Variants in APBA1 observed in about 807,000 individuals in gnomAD.
The protein encoded by APBA1 is amyloid-beta A4 precursor protein-binding family A member 1.
APBA1 carries 55 observed loss-of-function variants against 86.6 expected under a neutral mutation model. The ratio of observed to expected loss-of-function variants is 0.64; its 90% CI spans 0.51 to 0.80. The LOEUF is 0.80. Ranked by LOEUF, APBA1 falls within the 30% of genes least tolerant of loss-of-function variation. The probability of loss-of-function intolerance (pLI) is 0.00; values close to 1 mark genes in which losing one functional copy is unlikely to be tolerated. For missense variants in APBA1, 1,090 were observed against 1,183.0 expected (o/e 0.92, Z 1.15); for synonymous variants, 511 against 493.9 (o/e 1.03, Z -0.46).
intron 1 of APBA1, among the ~76,000 whole-genome samples, chr9:69,606,429 T>C (rs926133657): frequency 1.3e-5 from 2 of 148,584 alleles, no homozygotes; most frequent in African/African-American, 4.9e-5. Context: ...AGAAAGAAAC[T>C]GATGCTCAGA....
At chr9:69,541,762 T>TA (rs1301311060) in intron 1 of APBA1, among the ~76,000 whole-genome samples, 3 of 152,072 alleles carry the variant, frequency 2.0e-5, no homozygotes, top group Non-Finnish European at 4.4e-5. Flanking sequence ...AGGTTCCCAA[T>TA]AAAAAGAGTA....
intron 1 of APBA1, among the ~76,000 whole-genome samples, chr9:69,578,968 G>T (rs1039237411): frequency 4.6e-5 from 7 of 152,130 alleles, no homozygotes; most frequent in Admixed American, 2.0e-4. Context: ...CTGCACTACA[G>T]GAAGCCATTC....
At chr9:69,591,104 CG>C (rs1822120031) in intron 1 of APBA1, among the ~76,000 whole-genome samples, 1 of 152,120 alleles carries the variant, frequency 6.6e-6, no homozygotes, top group African/African-American at 2.4e-5. Flanking sequence ...GCAAGGCAGC[CG>C]AGGGAGGAGA....
Position 69,431,199 on chromosome 9 carries a change from TCTC to T in APBA1, c.*125_*127del. 1 of 652,024 alleles carries T rather than the reference TCTC, an allele frequency of 1.5e-6. No homozygotes were observed. Among genetic ancestry groups the T allele is most frequent in the Non-Finnish European group, 2.6e-6 (1 of 388,746 alleles). The allele number at this position is 652,024 out of a possible 1,614,324, so 40.4% of individuals were successfully genotyped here. ...GAGTAAAGAGGTCCTTGTGGATTCTTCTCTTCCTGTGTAAAACCAAATGCTGGG... is the reference window on the plus strand; with the variant it reads ...GAGTAAAGAGGTCCTTGTGGATTCTTTTCCTGTGTAAAACCAAATGCTGGG... On this transcript the variant is annotated 3_prime_UTR_variant, in exon 13 of 13. Coordinates refer to ENST00000265381, the MANE Select transcript of APBA1 (RefSeq NM_001163.4).
At chr9:69,456,975 C>A in intron 7 of APBA1, 78 bp downstream of exon 7, 1 of 1,241,882 alleles carries the variant, frequency 8.1e-7, no homozygotes. Context: ...AGACACATGC[C>A]TGCTCTACAG....
intron 1 of APBA1, among the ~76,000 whole-genome samples, chr9:69,555,147 ATTAT>A (rs1564075943): frequency 6.6e-6 from 1 of 152,232 alleles, no homozygotes; most frequent in Admixed American, 6.5e-5. Flanking sequence ...AGAGTAGTAG[ATTAT>A]TTAACCACAG....
intron 1 of APBA1, among the ~76,000 whole-genome samples, chr9:69,518,439 G>A (rs1472118087): frequency 1.3e-5 from 2 of 152,160 alleles, no homozygotes; most frequent in Non-Finnish European, 2.9e-5. Context: ...GATAACAGGT[G>A]TAATTTTTTA....
chr9:69,604,180 G>A (rs1018490587), intron 1 of APBA1, among the ~76,000 whole-genome samples: 1 of 152,174 alleles, frequency 6.6e-6, no homozygotes, highest in Non-Finnish European at 1.5e-5. Flanking sequence ...GTGCACATGA[G>A]TGTGGGCACG....
chr9:69,530,501 T>C (rs1329454762), intron 1 of APBA1, among the ~76,000 whole-genome samples: 1 of 151,998 alleles, frequency 6.6e-6, no homozygotes, highest in African/African-American at 2.4e-5. Flanking sequence ...CACTTACATG[T>C]GGAAGCTAAA....
At chr9:69,554,792 A>T (rs201782992) in intron 1 of APBA1, among the ~76,000 whole-genome samples, 6 of 29,134 alleles carry the variant, frequency 2.1e-4, no homozygotes, top group South Asian at 8.9e-4. Flanking sequence ...TTTTTAGGGT[A>T]AAAAAAAAAC....
chr9:69,491,210 G>A (rs1241529244), intron 2 of APBA1, among the ~76,000 whole-genome samples: 2 of 152,028 alleles, frequency 1.3e-5, no homozygotes, highest in Non-Finnish European at 2.9e-5. Flanking sequence ...CAACCCAAAT[G>A]TCCAACAATG....
intron 1 of APBA1, among the ~76,000 whole-genome samples, chr9:69,550,211 G>A (rs1836763403): frequency 6.6e-6 from 1 of 152,162 alleles, no homozygotes; most frequent in Non-Finnish European, 1.5e-5. Flanking sequence ...ACTGTAAAGT[G>A]TTGTGCACAT....
intron 10 of APBA1, among the ~76,000 whole-genome samples, chr9:69,446,555 G>C (rs554146816): frequency 1.8e-4 from 27 of 152,338 alleles, no homozygotes; most frequent in African/African-American, 6.3e-4. Flanking sequence ...TGCAGACAGA[G>C]CTCCGTCTGT....
chr9:69,570,404 C>A (rs973276088), intron 1 of APBA1, among the ~76,000 whole-genome samples: 1 of 152,252 alleles, frequency 6.6e-6, no homozygotes, highest in Admixed American at 6.5e-5. Flanking sequence ...TATTTGGATC[C>A]TCATGATCAT....
At chr9:69,459,234 G>A (rs1835151801) in intron 5 of APBA1, among the ~76,000 whole-genome samples, 1 of 152,274 alleles carries the variant, frequency 6.6e-6, no homozygotes, top group Non-Finnish European at 1.5e-5. Context: ...TTTGGTGGAT[G>A]TGTCATGTGC....
At chr9:69,471,845 T>C (rs1835371380) in intron 3 of APBA1, 150 bp from the exon 4 acceptor site, 4 of 642,464 alleles carry the variant, frequency 6.2e-6, no homozygotes, top group Non-Finnish European at 1.1e-5. Flanking sequence ...AAAGTGCAGA[T>C]AAACATGCAT....
In APBA1 at chr9:69,517,225, C is replaced by T; in HGVS notation, c.-15G>A. 6.9e-7 allele frequency: 1 copy of T among 1,451,958 alleles called. No homozygotes were observed. The highest frequency in any genetic ancestry group is 9.1e-7 in the Non-Finnish European group (1 of 1,102,458). The allele number at this position is 1,451,958 out of a possible 1,614,324, so 89.9% of individuals were successfully genotyped here. A position where few individuals can be genotyped will look rare whatever the true frequency, so the allele number is the denominator to read the frequency against. ...AAGTGGTTCATGGTGGGAGTCGGAA[C>T]GGCTAGGAGAGAAGCTGGGCCCGGC... is the stretch of plus-strand genomic sequence containing the variant. On this transcript the variant is annotated 5_prime_UTR_variant, in exon 2 of 13. Transcript: ENST00000265381.
intron 1 of APBA1, among the ~76,000 whole-genome samples, chr9:69,528,693 G>A (rs984573550): frequency 1.3e-5 from 2 of 151,878 alleles, no homozygotes; most frequent in Admixed American, 6.6e-5. Context: ...ACTACACTAA[G>A]TGGGGGCGAG....
intron 1 of APBA1, among the ~76,000 whole-genome samples, chr9:69,559,478 G>A (rs1366892840): frequency 1.3e-5 from 2 of 152,106 alleles, no homozygotes; most frequent in African/African-American, 2.4e-5. Flanking sequence ...GAATCCTATG[G>A]TGGGTACTCT....
Sources: allele counts gnomAD v4.1 joint callset (sites outside exome capture counted in the v4.1 genomes callset), GRCh38; gene constraint gnomAD v4.1.1; transcripts MANE v1.5; gene names NCBI Gene and HGNC (gene_info 2026-07-23, HGNC 2026-07-21).